The following PDGFB variants were observed in gnomAD, a reference collection of about 807,000 sequenced individuals.
PDGFB encodes platelet-derived growth factor subunit B.
In PDGFB, 6 loss-of-function variants were observed where a neutral mutation model predicts 29.0. The observed-to-expected ratio is 0.21, with a 90% CI of 0.11 to 0.41. The LOEUF (loss-of-function observed/expected upper bound fraction) is 0.41. Ranked by LOEUF, PDGFB falls within the 10% of genes least tolerant of loss-of-function variation. PDGFB has a pLI of 1.00. For synonymous variants in PDGFB, 144 were observed against 140.8 expected (o/e 1.02, Z -0.16); for missense variants, 299 against 341.8 (o/e 0.87, Z 0.99).
rs1932627401 is a variant in PDGFB, at chr22:39,243,796, G to A, written c.63+105C>T. ...CCCAGCGCCCGGCGTCAGGCTCGCG[G>A]GCTGCAAGGGTCCAAAGTTCACTGC... On this transcript the variant is annotated intron_variant, in intron 1 of 6. Coordinates refer to ENST00000331163, the MANE Select transcript of PDGFB (RefSeq NM_002608.4). The surrounding 1 kb of genome is among the most constrained non-coding windows in gnomAD (Gnocchi z 6.4). The A allele has an allele frequency of 2.3e-6, 2 of 865,606 alleles. No individual in the cohort carries two copies. The highest frequency in any genetic ancestry group is 2.6e-5 in the Admixed American group (1 of 38,632). The allele number at this position is 865,606 out of a possible 1,614,324, so 53.6% of individuals were successfully genotyped here.
At chr22:39,233,232 G>C (rs1932353159) in intron 3 of PDGFB, among the ~76,000 whole-genome samples, 1 of 152,222 alleles carries the variant, frequency 6.6e-6, no homozygotes, top group Admixed American at 6.5e-5. Context: ...AGAAACCAGA[G>C]AGTGTGGGGG....
intron 2 of PDGFB, 132 bp downstream of exon 2, chr22:39,235,646 C>G: frequency 1.5e-6 from 1 of 672,154 alleles, no homozygotes; most frequent in South Asian, 1.8e-5. Flanking sequence ...GGTGTGGCCA[C>G]GCTCTCTCTG....
In PDGFB at chr22:39,235,791, G is replaced by A. The variant is rs374705370; in HGVS notation, c.147C>T (p.His49=). ...RSFDDLQRLL[H]GDPGEEDGAE... ...GATTCCATTTACCTCCGGGGTCTCCGTGCAGCAGGCGTTGGAGATCATCAA... is the reference window on the plus strand; with the variant it reads ...GATTCCATTTACCTCCGGGGTCTCCATGCAGCAGGCGTTGGAGATCATCAA... The change falls in exon 2 of 7, where the codon CAC becomes CAT. Residue 49 remains histidine (H), a synonymous_variant. Transcript: ENST00000331163. 36 of 1,612,690 alleles carry A rather than the reference G, an allele frequency of 2.2e-5. No homozygotes were observed. The East Asian group carries it at 2.9e-4, about 13-fold the overall frequency.
At chr22:39,233,086 C>T (rs1033739980) in intron 3 of PDGFB, among the ~76,000 whole-genome samples, 12 of 152,194 alleles carry the variant, frequency 7.9e-5, no homozygotes, top group African/African-American at 2.9e-4. Context: ...CTCAGCCCTA[C>T]CGCTCCCTAG....
In PDGFB at chr22:39,243,794, C is replaced by T. The variant is rs1473655242; in HGVS notation, c.63+107G>A. ...CACCCAGCGCCCGGCGTCAGGCTCG[C>T]GGGCTGCAAGGGTCCAAAGTTCACT... On this transcript the variant is annotated intron_variant, in intron 1 of 6. Coordinates refer to ENST00000331163, the MANE Select transcript of PDGFB (RefSeq NM_002608.4). The surrounding 1 kb of genome is among the most constrained non-coding windows in gnomAD (Gnocchi z 6.4). 7 of 838,898 alleles carry T rather than the reference C, an allele frequency of 8.3e-6. No homozygotes were observed. The highest frequency in any genetic ancestry group is 2.0e-5 in the South Asian group (1 of 50,942). The allele number at this position is 838,898 out of a possible 1,614,324, so 52.0% of individuals were successfully genotyped here. A position where few individuals can be genotyped will look rare whatever the true frequency, so the allele number is the denominator to read the frequency against.
chr22:39,230,130 A>T lies in PDGFB; in HGVS notation c.555T>A (p.Ala185=). The change falls in exon 5 of 7, where the codon GCT becomes GCA. Residue 185 remains alanine, a synonymous_variant. Transcript: ENST00000331163. ...HLACKCETVA[A]ARPVTRSPGG... ...CCGGGCTTCGGGTCACAGGCCGTGC[A>T]GCTGCCACTGTCTCACACTTGCATG... 6.2e-7 allele frequency: 1 copy of T among 1,613,906 alleles called. No individual in the cohort carries two copies. The highest frequency in any genetic ancestry group is 1.1e-5 in the South Asian group (1 of 91,080).
At position 39,244,595 on chromosome 22, in the gene PDGFB, G is replaced by C. The variant is rs994223768; in HGVS notation, c.-632C>G. 1 of 150,700 alleles carries C rather than the reference G, an allele frequency of 6.6e-6. No individual in the cohort carries two copies. The highest frequency in any genetic ancestry group is 2.4e-5 in the African/African-American group (1 of 40,964). 9.3% of individuals were successfully genotyped at this position (150,700 alleles called of 1,614,324 possible). ...GTGCGCCCTGGCGCGGGGCCCGGGC[G>C]GCGGGCACGGCTGCTCCGCGCGCGC... On this transcript the variant is annotated 5_prime_UTR_variant, in exon 1 of 7. Transcript: ENST00000331163. This position sits in a 1 kb window ranked among gnomAD's most constrained non-coding sequence, Gnocchi z 4.5.
rs267606251 is a variant in PDGFB, at chr22:39,225,727, G to A, written c.722C>T (p.Ala241Val). 1.9e-6 allele frequency: 3 copies of A among 1,613,700 alleles called. No homozygotes were observed. The highest frequency in any genetic ancestry group is 2.5e-6 in the Non-Finnish European group (3 of 1,179,840). Residue 241 changes from alanine to valine, a missense_variant, in exon 6 of 7, where the codon GCC becomes GTC. Coordinates refer to ENST00000331163, the MANE Select transcript of PDGFB (RefSeq NM_002608.4). ...CACACTCTCCTGCCGATGCCCCTAG[G>A]CTCCAAGGGTCTCCTTCAGTGCCGT... The part of the protein sequence containing the change: ...DKTALKETLG[A>V]
rs1932608242 is a variant in PDGFB, at chr22:39,243,170, C to T, written c.63+731G>A. ...CCGGGGGCTGGATTCCTTCAGAGCC[C>T]CTAGTCCTCCCCCTACCCGAGTGCC... is the stretch of plus-strand genomic sequence containing the variant. On this transcript the variant is annotated intron_variant, in intron 1 of 6. Coordinates refer to ENST00000331163, the MANE Select transcript of PDGFB (RefSeq NM_002608.4). This position sits in a 1 kb window ranked among gnomAD's most constrained non-coding sequence, Gnocchi z 6.4. Among the ~76,000 whole-genome samples, 1 of 152,160 alleles carries T rather than the reference C, an allele frequency of 6.6e-6. No individual in the cohort carries two copies. The highest frequency in any genetic ancestry group is 1.5e-5 in the Non-Finnish European group (1 of 68,012).
intron 5 of PDGFB, among the ~76,000 whole-genome samples, chr22:39,228,515 G>A (rs753613926): frequency 1.2e-4 from 18 of 152,080 alleles, no homozygotes; most frequent in South Asian, 6.2e-4. Flanking sequence ...CTTGAGCCCA[G>A]GAAGGAGTTC....
In PDGFB at chr22:39,233,482, T is replaced by C. The variant is rs1204597536; in HGVS notation, c.203A>G (p.His68Arg). The change falls in exon 3 of 7, where the codon CAC becomes CGC. Residue 68 changes from histidine to arginine, a missense_variant. By Grantham distance (29) the His-to-Arg change is conservative. Coordinates refer to ENST00000331163, the MANE Select transcript of PDGFB (RefSeq NM_002608.4). ...CAAGCTCTCCAGCTCGCCTCCAGAGTGGGAGCGGGTCATGTTCAGGTCCAA... is the reference window on the plus strand; with the variant it reads ...CAAGCTCTCCAGCTCGCCTCCAGAGCGGGAGCGGGTCATGTTCAGGTCCAA... ...AELDLNMTRS[H>R]SGGELESLAR... The C allele has an allele frequency of 6.3e-7, 1 of 1,593,940 alleles. No homozygotes were observed. The highest frequency in any genetic ancestry group is 1.1e-5 in the South Asian group (1 of 88,188).
At position 39,230,019 on chromosome 22, in the gene PDGFB, C is replaced by T. The variant is rs2239769; in HGVS notation, c.601+65G>A. The T allele has an allele frequency of 0.4, 625,981 of 1,558,780 alleles. 128,949 individuals are homozygous for T. The highest frequency in any genetic ancestry group is 0.45 in the Middle Eastern group (2,412 of 5,390). Reference sequence around the variant, plus strand: ...CCTGATCCCATTTCCATTTTTAAGACCGGCCCCTGCCCCCAGCTGCTGCAG... The same window carrying T: ...CCTGATCCCATTTCCATTTTTAAGATCGGCCCCTGCCCCCAGCTGCTGCAG... On this transcript the variant is annotated intron_variant, in intron 5 of 6. Coordinates refer to ENST00000331163, the MANE Select transcript of PDGFB (RefSeq NM_002608.4).
rs757421970 is a variant in PDGFB at position 39,233,454 on chromosome 22, A to G, written c.231T>C (p.Ala77=). 1.9e-6 allele frequency: 3 copies of G among 1,593,370 alleles called. No homozygotes were observed. The highest frequency in any genetic ancestry group is 1.8e-5 in the Admixed American group (1 of 57,034). ...SHSGGELESL[A]RGRRSLGSLT... is the part of the protein sequence containing the mutation. The stretch of plus-strand genomic sequence containing the variant: ...TCTTACCCAGGCTCCTTCTTCCACG[A>G]GCCAAGCTCTCCAGCTCGCCTCCAG... The change falls in exon 3 of 7, where the codon GCT becomes GCC. Residue 77 remains alanine (A), a synonymous_variant. Transcript: ENST00000331163.
At position 39,244,123 on chromosome 22, in the gene PDGFB, C is replaced by T. The variant is rs937839395; in HGVS notation, c.-160G>A. 10 of 328,580 alleles carry T rather than the reference C, an allele frequency of 3.0e-5. No individual in the cohort carries two copies. The highest frequency in any genetic ancestry group is 4.9e-5 in the Non-Finnish European group (9 of 183,838). 20.4% of individuals were successfully genotyped at this position (328,580 alleles called of 1,614,324 possible). ...AGCCGCGGCTCACCCGCATGGCCCC[C>T]GGGCGCCGCCGCCCCCGGCCCCGGC... is the stretch of plus-strand genomic sequence containing the variant. On this transcript the variant is annotated 5_prime_UTR_variant, in exon 1 of 7. Transcript: ENST00000331163. This position sits in a 1 kb window ranked among gnomAD's most constrained non-coding sequence, Gnocchi z 4.5.
rs1157030495 is a variant in PDGFB at position 39,235,982 on chromosome 22, G to A, written c.64-108C>T. 3 of 754,816 alleles carry A rather than the reference G, an allele frequency of 4.0e-6. No individual in the cohort carries two copies. The East Asian group carries it at 8.0e-5, about 20-fold the overall frequency. The allele number at this position is 754,816 out of a possible 1,614,324, so 46.8% of individuals were successfully genotyped here. On this transcript the variant is annotated intron_variant, in intron 1 of 6. Transcript: ENST00000331163. ...CGCTTTCTCCTGTGGAAAGCTCCAA[G>A]GTCACAGGGAGACGGACAGGCAGGA...
chr22:39,229,631 G>A (rs1932247802), intron 5 of PDGFB, among the ~76,000 whole-genome samples: 1 of 152,192 alleles, frequency 6.6e-6, no homozygotes, highest in African/African-American at 2.4e-5. Flanking sequence ...AACAAAGCAG[G>A]GGGCTATGGT....
chr22:39,230,339 C>A, intron 4 of PDGFB, 111 bp from the exon 5 acceptor site: 1 of 1,111,610 alleles, frequency 9.0e-7, no homozygotes, highest in South Asian at 1.3e-5. Flanking sequence ...AATCTTTCCT[C>A]GAAAGCCCGG....
chr22:39,241,110 A>T, intron 1 of PDGFB: 1 of 587,812 alleles, frequency 1.7e-6, no homozygotes, highest in East Asian at 2.8e-5. Context: ...GGGGCCCTTC[A>T]CTCTTTCCCG....
At position 39,228,894 on chromosome 22, in the gene PDGFB, AT is replaced by A. The variant is rs200314137; in HGVS notation, c.601+1189del. 4.8e-3 allele frequency among the ~76,000 whole-genome samples: 368 copies of A among 76,768 alleles called. 8 individuals are homozygous for A. Among genetic ancestry groups the A allele is most frequent in the African/African-American group, 0.012 (334 of 27,174 alleles). The allele number at this position is 76,768 out of a possible 152,430, so 50.4% of individuals were successfully genotyped here. ...ACAGGGTGAGACTGCCTCAAAAAAA[AT>A]ATATATATATATAGATATATATAAT... On this transcript the variant is annotated intron_variant, in intron 5 of 6. Coordinates refer to ENST00000331163, the MANE Select transcript of PDGFB (RefSeq NM_002608.4).
Sources: allele counts gnomAD v4.1 joint callset (sites outside exome capture counted in the v4.1 genomes callset), GRCh38; gene constraint gnomAD v4.1.1; non-coding constraint Gnocchi (gnomAD v3.1); transcripts MANE v1.5; gene names NCBI Gene and HGNC (gene_info 2026-07-23, HGNC 2026-07-21).